NRXN3: variants seen among roughly 807,000 people sequenced by gnomAD.
The protein encoded by NRXN3 is neurexin III.
A neutral mutation model predicts 137.6 loss-of-function variants in NRXN3; 32 were observed. The ratio of observed to expected loss-of-function variants is 0.23; its 90% CI spans 0.18 to 0.31. The LOEUF (loss-of-function observed/expected upper bound fraction) is 0.31, where lower values mean the gene tolerates loss of function less well. Among genes scored for constraint, NRXN3 ranks in the 10% least tolerant of loss-of-function variants. The pLI is 1.00. For missense variants in NRXN3, 1,574 were observed against 2,062.5 expected, an observed-to-expected ratio of 0.76 and a Z score of 4.59; for synonymous variants, 798 against 784.5, an observed-to-expected ratio of 1.02 and a Z score of -0.29.
At chr14:79,137,371 AT>A (rs2058348809) in intron 15 of NRXN3, among the ~76,000 whole-genome samples, 1 of 152,204 alleles carries the variant, frequency 6.6e-6, no homozygotes, top group Non-Finnish European at 1.5e-5. Flanking sequence ...GAAAGCTAGC[AT>A]TTTGGTGTGA....
chr14:78,722,097 TAA>T, intron 8 of NRXN3, among the ~76,000 whole-genome samples: 1 of 152,248 alleles, frequency 6.6e-6, no homozygotes, highest in East Asian at 1.9e-4. Flanking sequence ...CCTGTTACTC[TAA>T]AAAAGAGTAT....
intron 15 of NRXN3, among the ~76,000 whole-genome samples, chr14:79,170,799 G>A (rs1199220110): frequency 6.6e-6 from 1 of 152,004 alleles, no homozygotes; most frequent in Non-Finnish European, 1.5e-5. Context: ...ATAGGAACTT[G>A]AGATAATCAG....
intron 1 of NRXN3, among the ~76,000 whole-genome samples, chr14:78,234,970 A>G (rs980412799): frequency 7.1e-6 from 1 of 140,434 alleles, no homozygotes; most frequent in African/African-American, 2.7e-5. Context: ...ATTACATTTG[A>G]TTATCTGGCA....
intron 10 of NRXN3, among the ~76,000 whole-genome samples, chr14:78,911,857 T>A (rs1201307247): frequency 1.3e-5 from 2 of 151,706 alleles, no homozygotes; most frequent in Non-Finnish European, 2.9e-5. Flanking sequence ...ATTTAGGCCT[T>A]AAGGAACCAC....
At chr14:79,065,660 C>T (rs1246118653) in intron 15 of NRXN3, among the ~76,000 whole-genome samples, 1 of 152,048 alleles carries the variant, frequency 6.6e-6, no homozygotes, top group African/African-American at 2.4e-5. Flanking sequence ...AAAGAAGAAC[C>T]TGCCTTGTTC....
chr14:78,726,798 C>T (rs116571529), intron 8 of NRXN3, among the ~76,000 whole-genome samples: 2,450 of 151,986 alleles, frequency 0.016, 64 homozygotes, highest in African/African-American at 0.056. Flanking sequence ...GGATTACAGG[C>T]GTGAGTCATC....
intron 8 of NRXN3, among the ~76,000 whole-genome samples, chr14:78,781,780 C>T (rs762515921): frequency 6.6e-6 from 1 of 152,234 alleles, no homozygotes; most frequent in African/African-American, 2.4e-5. Flanking sequence ...ATCTCTTCTT[C>T]CCTGCTAAAA....
At chr14:79,589,254 C>G (rs140213577) in intron 16 of NRXN3, among the ~76,000 whole-genome samples, 1 of 151,872 alleles carries the variant, frequency 6.6e-6, no homozygotes, top group African/African-American at 2.4e-5. Context: ...AACTCTGTCT[C>G]GAAACAAGCA....
chr14:79,754,840 G>T (rs2099013709), intron 19 of NRXN3, among the ~76,000 whole-genome samples: 1 of 151,946 alleles, frequency 6.6e-6, no homozygotes, highest in East Asian at 2.0e-4. Context: ...GTGGTAGTGG[G>T]TGAGTTCTCA....
At chr14:78,473,104 A>T (rs573327109) in intron 4 of NRXN3, among the ~76,000 whole-genome samples, 4 of 152,154 alleles carry the variant, frequency 2.6e-5, no homozygotes, top group South Asian at 4.2e-4. Flanking sequence ...AAGGCTCTTT[A>T]AAAGAAAAAC....
intron 19 of NRXN3, among the ~76,000 whole-genome samples, chr14:79,762,068 A>G (rs1403824047): frequency 6.6e-6 from 1 of 151,628 alleles, no homozygotes; most frequent in Non-Finnish European, 1.5e-5. Flanking sequence ...TGCTGATTTT[A>G]TATTGGAAAC....
chr14:79,363,257 C>T (rs571552458), intron 15 of NRXN3, among the ~76,000 whole-genome samples: 2 of 152,306 alleles, frequency 1.3e-5, no homozygotes, highest in South Asian at 2.1e-4. Context: ...GCCTCGGCCT[C>T]CCAAAGTGCT....
intron 4 of NRXN3, among the ~76,000 whole-genome samples, chr14:78,487,136 T>A (rs1011064343): frequency 2.6e-5 from 4 of 152,222 alleles, no homozygotes; most frequent in East Asian, 1.9e-4. Context: ...TGATATGAGC[T>A]ATTTTTTTAC....
intron 15 of NRXN3, chr14:79,279,261 T>G (rs1181218745): frequency 1.2e-6 from 1 of 800,378 alleles, no homozygotes; most frequent in Non-Finnish European, 1.5e-6. Context: ...CTCTGGCCCC[T>G]CCTTCCTCCG....
At chr14:78,392,885 G>T (rs1177732806) in intron 4 of NRXN3, among the ~76,000 whole-genome samples, 2 of 152,088 alleles carry the variant, frequency 1.3e-5, no homozygotes, top group African/African-American at 4.8e-5. Context: ...TCCTTTTGCA[G>T]GCCCAAAGTA....
intron 15 of NRXN3, among the ~76,000 whole-genome samples, chr14:79,209,229 C>T (rs545619357): frequency 9.9e-5 from 15 of 152,018 alleles, no homozygotes; most frequent in Non-Finnish European, 1.8e-4. Flanking sequence ...TGAGCCACTG[C>T]GCCCGGTGTG....
Position 79,864,344 on chromosome 14 carries a change from TTC to T in NRXN3, c.*2382_*2383del, listed in dbSNP as rs1185650491. ...AATGATGTTGTGACATTACTGCTTT[TTC>T]TTTTTTCTTTTCTTAGTTCATATTT... On this transcript the variant is annotated 3_prime_UTR_variant, in exon 21 of 21. Transcript: ENST00000335750. 2 of 152,676 alleles carry T rather than the reference TTC, an allele frequency of 1.3e-5. No individual in the cohort carries two copies. Among genetic ancestry groups the T allele is most frequent in the Non-Finnish European group, 2.9e-5 (2 of 68,046 alleles). The allele number at this position is 152,676 out of a possible 1,614,324, so 9.5% of individuals were successfully genotyped here.
At chr14:79,115,798 A>G (rs2054336243) in intron 15 of NRXN3, among the ~76,000 whole-genome samples, 1 of 152,136 alleles carries the variant, frequency 6.6e-6, no homozygotes, top group Non-Finnish European at 1.5e-5. Context: ...ACCGTGATGT[A>G]TTTTGTTCCT....
At chr14:78,795,344 T>C (rs938401942) in intron 8 of NRXN3, among the ~76,000 whole-genome samples, 1 of 152,210 alleles carries the variant, frequency 6.6e-6, no homozygotes, top group African/African-American at 2.4e-5. Flanking sequence ...CTTTTTCCAT[T>C]GTAAGTATTA....
Sources: gnomAD v4.1 joint callset for allele counts (sites outside exome capture counted in the v4.1 genomes callset) on GRCh38, gnomAD v4.1.1 for gene constraint, MANE v1.5 for transcripts, NCBI Gene and HGNC (gene_info 2026-07-23, HGNC 2026-07-21) for gene names.